HADHA: variants seen among roughly 807,000 people sequenced by gnomAD.
HADHA encodes hydroxyacyl-CoA dehydrogenase trifunctional multienzyme complex subunit alpha.
In HADHA, 59 loss-of-function variants were observed where a neutral mutation model predicts 91.3. The ratio of observed to expected loss-of-function variants is 0.65; its 90% CI spans 0.52 to 0.80. The LOEUF (loss-of-function observed/expected upper bound fraction) is 0.80. Ranked by LOEUF, HADHA falls within the 30% of genes least tolerant of loss-of-function variation. HADHA has a pLI of 0.00. For missense variants in HADHA, 800 were observed against 927.6 expected, an observed-to-expected ratio of 0.86 and a Z score of 1.79; for synonymous variants, 320 against 338.9, an observed-to-expected ratio of 0.94 and a Z score of 0.61.
chr2:26,191,947 G>A (rs759453302), intron 18 of HADHA, among the ~76,000 whole-genome samples: 2 of 152,240 alleles, frequency 1.3e-5, no homozygotes, highest in Non-Finnish European at 2.9e-5. Flanking sequence ...AGGGGCCAAG[G>A]AGAATCTGTC....
At chr2:26,207,760 T>A (rs1030998557) in intron 11 of HADHA, among the ~76,000 whole-genome samples, 17 of 152,228 alleles carry the variant, frequency 1.1e-4, no homozygotes, top group Non-Finnish European at 2.2e-4. Flanking sequence ...TGTATACTAA[T>A]TTGTAGCTCA....
chr2:26,198,751 G>C (rs1311126754), intron 13 of HADHA, among the ~76,000 whole-genome samples: 1 of 151,982 alleles, frequency 6.6e-6, no homozygotes, highest in Non-Finnish European at 1.5e-5. Flanking sequence ...CATGATTTTA[G>C]TTAATCAAGA....
intron 7 of HADHA, among the ~76,000 whole-genome samples, chr2:26,220,917 G>A (rs1670358373): frequency 6.6e-6 from 1 of 152,168 alleles, no homozygotes. Flanking sequence ...CATACTGGGG[G>A]TAAGACATGT....
At chr2:26,191,428 A>G in intron 19 of HADHA, 33 bp from the exon 20 acceptor site, 2 of 1,614,110 alleles carry the variant, frequency 1.2e-6, no homozygotes, top group Non-Finnish European at 8.5e-7. Flanking sequence ...GTTGAAGGAG[A>G]CGCAACACGG....
rs79290861 is a variant in HADHA at position 26,237,232 on chromosome 2, C to T, written c.181-244G>A. On this transcript the variant is annotated intron_variant, in intron 3 of 19. Transcript: ENST00000380649. ...CTCAAAGGAGAAACTCAGGGTCATCCTCAGAGTTTGAATCATATGTAGGCT... is the reference window on the plus strand; with the variant it reads ...CTCAAAGGAGAAACTCAGGGTCATCTTCAGAGTTTGAATCATATGTAGGCT... 1.6e-3 allele frequency among the ~76,000 whole-genome samples: 236 copies of T among 152,246 alleles called. 2 individuals carry two copies. Among genetic ancestry groups the T allele is most frequent in the African/African-American group, 5.4e-3 (226 of 41,548 alleles).
At chr2:26,205,603 C>G (rs1669952580) in intron 11 of HADHA, among the ~76,000 whole-genome samples, 2 of 152,270 alleles carry the variant, frequency 1.3e-5, no homozygotes, top group South Asian at 2.1e-4. Flanking sequence ...GCGGGCAGAT[C>G]ACAAGGTCAG....
chr2:26,224,993 G>A (rs1670453786), intron 7 of HADHA, among the ~76,000 whole-genome samples: 1 of 152,152 alleles, frequency 6.6e-6, no homozygotes, highest in Non-Finnish European at 1.5e-5. Context: ...ATTGTTAATA[G>A]ATGAACAAAT....
In HADHA at chr2:26,197,698, G is replaced by C; in HGVS notation, c.1472C>G (p.Pro491Arg). Residue 491 changes from proline to arginine, a missense_variant, in exon 14 of 20, where the codon CCT (proline) becomes CGT (arginine). Pro to Arg is a moderately radical substitution (Grantham distance 103). Coordinates refer to ENST00000380649, the MANE Select transcript of HADHA (RefSeq NM_000182.5). ...ISEIAAVSKR[P>R]EKVIGMHYFS... ...TCTCTGTTCCGAGTTTACCTTCTCA[G>C]GTCTTTTGCTGACAGCAGCGATTTC... is the stretch of plus-strand genomic sequence containing the variant. 1 of 1,415,554 alleles carries C rather than the reference G, an allele frequency of 7.1e-7. No individual in the cohort carries two copies. The highest frequency in any genetic ancestry group is 1.0e-6 in the Non-Finnish European group (1 of 998,336). The allele number at this position is 1,415,554 out of a possible 1,614,324, so 87.7% of individuals were successfully genotyped here.
In HADHA at chr2:26,192,239, A is replaced by C. The variant is rs75736994; in HGVS notation, c.2000+71T>G. ...AGTATTAAAAAAAAAAAAAAATGGA[A>C]GAGGGGCTGGGAAGCTTTGGGCTGT... On this transcript the variant is annotated intron_variant, in intron 18 of 19. Transcript: ENST00000380649. The C allele has an allele frequency of 6.2e-3, 5,039 of 806,758 alleles. 165 individuals are homozygous for C. In the African/African-American group the frequency reaches 0.07, roughly 11 times the overall value. The allele number at this position is 806,758 out of a possible 1,614,324, so 50.0% of individuals were successfully genotyped here. A position where few individuals can be genotyped will look rare whatever the true frequency, so the allele number is the denominator to read the frequency against.
At chr2:26,237,392 C>T (rs1468790836) in intron 3 of HADHA, among the ~76,000 whole-genome samples, 3 of 152,122 alleles carry the variant, frequency 2.0e-5, no homozygotes, top group African/African-American at 7.2e-5. Flanking sequence ...TTTGGGAGGC[C>T]AAGGTGGGCG....
Position 26,237,690 on chromosome 2 carries a change from T to C in HADHA, c.181-702A>G, listed in dbSNP as rs529865141. Among the ~76,000 whole-genome samples, 14 of 152,334 alleles carry C rather than the reference T, an allele frequency of 9.2e-5. No homozygotes were observed. The South Asian group carries it at 2.1e-3, about 23-fold the overall frequency. ...TATTATTCATTGAAACTGAATTAAATGTGATTATCCCATGGAAGATACCAA... is the reference window on the plus strand; with the variant it reads ...TATTATTCATTGAAACTGAATTAAACGTGATTATCCCATGGAAGATACCAA... On this transcript the variant is annotated intron_variant, in intron 3 of 19. Transcript: ENST00000380649.
chr2:26,214,900 A>G lies in HADHA; in HGVS notation c.799+153T>C, dbSNP rs77349342. On this transcript the variant is annotated intron_variant, in intron 8 of 19. Coordinates refer to ENST00000380649, the MANE Select transcript of HADHA (RefSeq NM_000182.5). This position sits in a 1 kb window ranked among gnomAD's most constrained non-coding sequence, Gnocchi z 4.1. Reference sequence around the variant, plus strand: ...AAAATTGGCTTTAACTGGATAGTGTAAAGTTGAGGAGTTGTTACATCTCCT... The same window carrying G: ...AAAATTGGCTTTAACTGGATAGTGTGAAGTTGAGGAGTTGTTACATCTCCT... Among the ~76,000 whole-genome samples the G allele has an allele frequency of 4.8e-3, 728 of 152,344 alleles. 3 individuals carry two copies. Among genetic ancestry groups the G allele is most frequent in the African/African-American group, 0.017 (708 of 41,578 alleles).
chr2:26,242,041 A>G (rs186878662), intron 1 of HADHA, among the ~76,000 whole-genome samples: 16 of 152,076 alleles, frequency 1.1e-4, no homozygotes, highest in African/African-American at 3.6e-4. Context: ...AGTTGGGATT[A>G]CAGACGTGTG....
At chr2:26,194,464 G>A in intron 16 of HADHA, 106 bp downstream of exon 16, 1 of 783,636 alleles carries the variant, frequency 1.3e-6, no homozygotes, top group East Asian at 2.5e-5. Context: ...ACAAGAGCAG[G>A]AGTTGGTGTA....
At chr2:26,223,387 C>T (rs1670419098) in intron 7 of HADHA, among the ~76,000 whole-genome samples, 1 of 152,210 alleles carries the variant, frequency 6.6e-6, no homozygotes, top group South Asian at 2.1e-4. Context: ...GATCACAACC[C>T]AGTTCACATG....
In HADHA at chr2:26,232,166, G is replaced by C; in HGVS notation, c.567C>G (p.Pro189=). The change falls in exon 6 of 20, where the codon CCC becomes CCG. Residue 189 remains proline (P), a synonymous_variant. Transcript: ENST00000380649. ...LPGAGGTQRL[P]KMVGVPAALD... ...AAGGGGATGTTAGACTCACCATTTT[G>C]GGCAGCCTTTGTGTGCCTCCTGCTC... 6.2e-7 allele frequency: 1 copy of C among 1,610,402 alleles called. No homozygotes were observed. Among genetic ancestry groups the C allele is most frequent in the Non-Finnish European group, 8.5e-7 (1 of 1,176,736 alleles).
At chr2:26,198,612 T>C (rs568784352) in intron 13 of HADHA, among the ~76,000 whole-genome samples, 1 of 151,134 alleles carries the variant, frequency 6.6e-6, no homozygotes, top group East Asian at 1.9e-4. Flanking sequence ...AAAAGCTGAG[T>C]ACAAAATAAG....
intron 11 of HADHA, among the ~76,000 whole-genome samples, chr2:26,209,023 A>G (rs1314313065): frequency 2.0e-5 from 3 of 152,216 alleles, no homozygotes; most frequent in Non-Finnish European, 4.4e-5. Flanking sequence ...TTCAGCTAGA[A>G]CAGCTGAACC....
Position 26,221,993 on chromosome 2 carries a change from ATGGGCTGAAT to A in HADHA, c.677-6828_677-6819del, listed in dbSNP as rs771237272. 1.3e-4 allele frequency among the ~76,000 whole-genome samples: 20 copies of A among 152,196 alleles called. No homozygotes were observed. The highest frequency in any genetic ancestry group is 2.8e-4 in the Non-Finnish European group (19 of 68,026). ...GATGAAAAACTGTTGGCAAGGTGTTATGGGCTGAATTGTGTCCCCCCTACCTCATTCATAT... is the reference window on the plus strand; with the variant it reads ...GATGAAAAACTGTTGGCAAGGTGTTATGTGTCCCCCCTACCTCATTCATAT... On this transcript the variant is annotated intron_variant, in intron 7 of 19. Coordinates refer to ENST00000380649, the MANE Select transcript of HADHA (RefSeq NM_000182.5). This position sits in a 1 kb window ranked among gnomAD's most constrained non-coding sequence, Gnocchi z 4.8.
Sources: allele counts gnomAD v4.1 joint callset (sites outside exome capture counted in the v4.1 genomes callset), GRCh38; gene constraint gnomAD v4.1.1; non-coding constraint Gnocchi (gnomAD v3.1); transcripts MANE v1.5; gene names NCBI Gene and HGNC (gene_info 2026-07-23, HGNC 2026-07-21).